The following RANBP3 variants were observed in gnomAD, a reference collection of about 807,000 sequenced individuals.
RANBP3 encodes RAN binding protein 3.
RANBP3 carries 14 observed loss-of-function variants against 77.3 expected under a neutral mutation model. The ratio of observed to expected loss-of-function variants is 0.18; its 90% confidence interval spans 0.12 to 0.28. The LOEUF (loss-of-function observed/expected upper bound fraction) is 0.28. RANBP3 is among the 10% of genes least tolerant of loss of function. The probability of loss-of-function intolerance (pLI) is 1.00; values close to 1 mark genes in which losing one functional copy is unlikely to be tolerated. For synonymous variants in RANBP3, 315 were observed against 312.4 expected (o/e 1.01, Z -0.09); for missense variants, 586 against 752.3 (o/e 0.78, Z 2.59).
rs1414769629 is a variant in RANBP3, at chr19:5,978,051, C to T, written c.22+10G>A. The stretch of plus-strand genomic sequence containing the variant: ...GGCCGCCAGCCGGTCCCCAACGGCG[C>T]CTCCCCTACCTTCGTTCGCCAGGTC... On this transcript the variant is annotated intron_variant, in intron 1 of 16. Transcript: ENST00000340578. 3.7e-6 allele frequency: 6 copies of T among 1,610,064 alleles called. No individual in the cohort carries two copies. The highest frequency in any genetic ancestry group is 1.3e-5 in the African/African-American group (1 of 74,336).
At chr19:5,946,256 G>A (rs572743019) in intron 3 of RANBP3, among the ~76,000 whole-genome samples, 2 of 152,258 alleles carry the variant, frequency 1.3e-5, no homozygotes, top group East Asian at 1.9e-4. Context: ...TCATTCACGC[G>A]ACACCCGGGA....
chr19:5,934,971 G>C (rs1319573614), intron 5 of RANBP3, among the ~76,000 whole-genome samples: 1 of 152,232 alleles, frequency 6.6e-6, no homozygotes, highest in African/African-American at 2.4e-5. Flanking sequence ...GGGCTCAAGG[G>C]AGGGGGTTGG....
chr19:5,925,549 G>C, intron 10 of RANBP3, 85 bp downstream of exon 10: 1 of 1,206,994 alleles, frequency 8.3e-7, no homozygotes, highest in South Asian at 1.2e-5. Context: ...GTCGGGCACG[G>C]GGACCACAGA....
Position 5,958,967 on chromosome 19 carries a change from C to T in RANBP3, c.23-994G>A, listed in dbSNP as rs537129692. On this transcript the variant is annotated intron_variant, in intron 1 of 16. Coordinates refer to ENST00000340578, the MANE Select transcript of RANBP3 (RefSeq NM_007322.3). The surrounding 1 kb of genome is among the most constrained non-coding windows in gnomAD (Gnocchi z 4.4). ...AAGAGCCCTGCCTTCGCAGGCCCCC[C>T]GACCCCGGTCGTGGGGAGCCAGGCA... is the stretch of plus-strand genomic sequence containing the variant. Among the ~76,000 whole-genome samples, 4 of 152,358 alleles carry T rather than the reference C, an allele frequency of 2.6e-5. No homozygotes were observed. The highest frequency in any genetic ancestry group is 6.5e-5 in the Admixed American group (1 of 15,310).
chr19:5,958,709 G>A lies in RANBP3; in HGVS notation c.23-736C>T, dbSNP rs1183707099. ...GGAGGCCCTGCTGCCCGCACAGGAA[G>A]CACAGATGAGGACTGCCTCGACCCC... On this transcript the variant is annotated intron_variant, in intron 1 of 16. Transcript: ENST00000340578. This position sits in a 1 kb window ranked among gnomAD's most constrained non-coding sequence, Gnocchi z 4.4. Among the ~76,000 whole-genome samples, 1 of 152,258 alleles carries A rather than the reference G, an allele frequency of 6.6e-6. No individual in the cohort carries two copies. The highest frequency in any genetic ancestry group is 1.5e-5 in the Non-Finnish European group (1 of 68,052).
intron 12 of RANBP3, 122 bp downstream of exon 12, chr19:5,923,690 T>A (rs1393121426): frequency 2.8e-6 from 2 of 717,226 alleles, no homozygotes; most frequent in African/African-American, 3.6e-5. Flanking sequence ...CTGGTTCACA[T>A]GTGGTTGTTA....
At chr19:5,973,611 C>A (rs375036283) in intron 1 of RANBP3, among the ~76,000 whole-genome samples, 3 of 152,222 alleles carry the variant, frequency 2.0e-5, no homozygotes, top group Non-Finnish European at 4.4e-5. Flanking sequence ...GGACCCAGAG[C>A]CCAGGCCCTG....
Position 5,978,039 on chromosome 19 carries a change from TCC to T in RANBP3, c.22+20_22+21del. ...CGCCCGTTCCCCGGCCGCCAGCCGGTCCCCAACGGCGCCTCCCCTACCTTCGT... is the reference window on the plus strand; with the variant it reads ...CGCCCGTTCCCCGGCCGCCAGCCGGTCCAACGGCGCCTCCCCTACCTTCGT... On this transcript the variant is annotated intron_variant, in intron 1 of 16. Coordinates refer to ENST00000340578, the MANE Select transcript of RANBP3 (RefSeq NM_007322.3). The T allele has an allele frequency of 6.2e-7, 1 of 1,609,236 alleles. No individual in the cohort carries two copies. Among genetic ancestry groups the T allele is most frequent in the Non-Finnish European group, 8.5e-7 (1 of 1,178,158 alleles).
At chr19:5,969,542 C>T (rs779410623) in intron 1 of RANBP3, among the ~76,000 whole-genome samples, 5 of 152,264 alleles carry the variant, frequency 3.3e-5, no homozygotes, top group Non-Finnish European at 7.3e-5. Context: ...TTTCTTTGAA[C>T]ACCATAAACA....
intron 1 of RANBP3, among the ~76,000 whole-genome samples, chr19:5,967,947 G>T (rs909752269): frequency 6.6e-6 from 1 of 152,280 alleles, no homozygotes; most frequent in Middle Eastern, 3.4e-3. Context: ...AACCCAGGAG[G>T]TGGAGGTTGC....
chr19:5,953,965 G>T (rs1246431102), intron 2 of RANBP3, among the ~76,000 whole-genome samples: 1 of 152,206 alleles, frequency 6.6e-6, no homozygotes, highest in Non-Finnish European at 1.5e-5. Flanking sequence ...GCACCCACAC[G>T]CAGGCCACGG....
chr19:5,971,850 G>A (rs919618950), intron 1 of RANBP3, among the ~76,000 whole-genome samples: 20 of 152,190 alleles, frequency 1.3e-4, no homozygotes, highest in African/African-American at 4.6e-4. Context: ...CACAGGCACT[G>A]GAAGAGAAGG....
At position 5,924,363 on chromosome 19, in the gene RANBP3, C is replaced by T. The variant is rs775345588; in HGVS notation, c.997-449G>A. Among the ~76,000 whole-genome samples, 13 of 152,242 alleles carry T rather than the reference C, an allele frequency of 8.5e-5. No individual in the cohort carries two copies. Among genetic ancestry groups the T allele is most frequent in the Middle Eastern group, 3.2e-3 (1 of 316 alleles). On this transcript the variant is annotated intron_variant, in intron 11 of 16. Transcript: ENST00000340578. This position sits in a 1 kb window ranked among gnomAD's most constrained non-coding sequence, Gnocchi z 4.7. The stretch of plus-strand genomic sequence containing the variant: ...GAGGTAGGCAAACCATTCTAGAACC[C>T]TCTCCCAGGCTGGCTGGGCTCCTGG...
chr19:5,977,449 G>A (rs1204366537), intron 1 of RANBP3, among the ~76,000 whole-genome samples: 1 of 152,158 alleles, frequency 6.6e-6, no homozygotes, highest in East Asian at 1.9e-4. Context: ...AGATCCTGCG[G>A]CGGGGCCTAA....
At chr19:5,960,763 T>A (rs1403133145) in intron 1 of RANBP3, among the ~76,000 whole-genome samples, 1 of 152,192 alleles carries the variant, frequency 6.6e-6, no homozygotes, top group Non-Finnish European at 1.5e-5. Context: ...TGCAGCTATT[T>A]GAGTAACTAT....
chr19:5,962,544 G>A (rs1412424844), intron 1 of RANBP3: 2 of 389,594 alleles, frequency 5.1e-6, no homozygotes, highest in Admixed American at 2.9e-5. Flanking sequence ...GACCCAGGGA[G>A]CCATGGTCAG....
Position 5,958,121 on chromosome 19 carries a change from T to G in RANBP3, c.23-148A>C. 2 of 736,988 alleles carry G rather than the reference T, an allele frequency of 2.7e-6. No homozygotes were observed. The highest frequency in any genetic ancestry group is 3.6e-5 in the South Asian group (2 of 55,048). The allele number at this position is 736,988 out of a possible 1,614,324, so 45.7% of individuals were successfully genotyped here. On this transcript the variant is annotated intron_variant, in intron 1 of 16. Coordinates refer to ENST00000340578, the MANE Select transcript of RANBP3 (RefSeq NM_007322.3). The surrounding 1 kb of genome is among the most constrained non-coding windows in gnomAD (Gnocchi z 4.4). ...AAATCACTTAGAACAGCGTCTTGAC[T>G]CGGATGCCTGGAGGCACAGGTGTGC...
rs2057744818 is a variant in RANBP3 at position 5,916,847 on chromosome 19, C to T, written c.*763G>A. The T allele has an allele frequency of 6.6e-6, 1 of 152,272 alleles. No individual in the cohort carries two copies. The highest frequency in any genetic ancestry group is 1.5e-5 in the Non-Finnish European group (1 of 68,136). 9.4% of individuals were successfully genotyped at this position (152,272 alleles called of 1,614,324 possible). ...TAGGACAGACAGGGCCCCAACTCCTCATCACCCCATGACTTGGCCTGGAGG... is the reference window on the plus strand; with the variant it reads ...TAGGACAGACAGGGCCCCAACTCCTTATCACCCCATGACTTGGCCTGGAGG... On this transcript the variant is annotated 3_prime_UTR_variant, in exon 17 of 17. Transcript: ENST00000340578.
chr19:5,942,201 C>T (rs1486676961), intron 3 of RANBP3, among the ~76,000 whole-genome samples: 1 of 152,220 alleles, frequency 6.6e-6, no homozygotes, highest in East Asian at 1.9e-4. Context: ...CGACCCTCTC[C>T]ACCCTTGAGG....
Sources: gnomAD v4.1 joint callset for allele counts (sites outside exome capture counted in the v4.1 genomes callset) on GRCh38, gnomAD v4.1.1 for gene constraint, Gnocchi (gnomAD v3.1) non-coding constraint, MANE v1.5 for transcripts, NCBI Gene and HGNC (gene_info 2026-07-23, HGNC 2026-07-21) for gene names.